MELK: variants seen among roughly 807,000 people sequenced by gnomAD.
MELK encodes the protein maternal embryonic leucine zipper kinase, also known as pEg3 kinase.
MELK carries 81 observed loss-of-function variants against 85.0 expected under a neutral mutation model. The observed-to-expected ratio is 0.95, with a 90% CI of 0.80 to 1.15. The LOEUF (loss-of-function observed/expected upper bound fraction) is 1.15, where lower values mean the gene tolerates loss of function less well. Among genes scored for constraint, MELK ranks in the 50% most tolerant of loss-of-function variants. MELK has a pLI of 0.00. For missense variants in MELK, 754 were observed against 777.5 expected (o/e 0.97, Z 0.36); for synonymous variants, 252 against 265.0 (o/e 0.95, Z 0.48).
chr9:36,606,767 T>C (rs921391390), intron 7 of MELK: 2 of 147,944 alleles, frequency 1.4e-5, no homozygotes, highest in African/African-American at 4.9e-5. Flanking sequence ...TAATAAATAA[T>C]CTATATAATA....
At chr9:36,608,987 A>C (rs999475788) in intron 8 of MELK, among the ~76,000 whole-genome samples, 8 of 152,238 alleles carry the variant, frequency 5.3e-5, no homozygotes, top group African/African-American at 1.9e-4. Flanking sequence ...ATAAAATAAG[A>C]ACCTCCTCTT....
At chr9:36,675,582 A>G (rs904285053) in intron 17 of MELK, among the ~76,000 whole-genome samples, 1 of 152,212 alleles carries the variant, frequency 6.6e-6, no homozygotes, top group African/African-American at 2.4e-5. Context: ...CAAATGAATC[A>G]GGGATTTATA....
chr9:36,584,151 G>T (rs1427062476), intron 3 of MELK, among the ~76,000 whole-genome samples: 1 of 150,038 alleles, frequency 6.7e-6, no homozygotes, highest in Admixed American at 6.7e-5. Context: ...GACTACAGGC[G>T]CCCGCCACTA....
chr9:36,655,654 T>G (rs1335784402), intron 12 of MELK, among the ~76,000 whole-genome samples: 3 of 152,210 alleles, frequency 2.0e-5, no homozygotes, highest in Non-Finnish European at 4.4e-5. Flanking sequence ...GATTGTTTAG[T>G]CAGGGGTGAT....
At chr9:36,675,214 G>T (rs1487012403) in intron 17 of MELK, among the ~76,000 whole-genome samples, 2 of 152,192 alleles carry the variant, frequency 1.3e-5, no homozygotes, top group East Asian at 1.9e-4. Context: ...TTGAACCTGG[G>T]TGGAGGCTGC....
intron 7 of MELK, among the ~76,000 whole-genome samples, chr9:36,605,504 A>C (rs2135760243): frequency 2.0e-5 from 3 of 151,844 alleles, no homozygotes; most frequent in Admixed American, 2.0e-4. Flanking sequence ...GAGCCACTGC[A>C]CCTGATCTGC....
chr9:36,667,755 CCTCTT>C (rs1035535462), intron 14 of MELK, among the ~76,000 whole-genome samples: 53 of 151,838 alleles, frequency 3.5e-4, no homozygotes, highest in African/African-American at 1.2e-3. Flanking sequence ...TCTCTTCTCT[CCTCTT>C]CTCTTCTCTT....
intron 5 of MELK, among the ~76,000 whole-genome samples, chr9:36,596,413 G>A (rs1168048307): frequency 6.6e-6 from 1 of 151,982 alleles, no homozygotes; most frequent in Non-Finnish European, 1.5e-5. Flanking sequence ...CTGCCACCAC[G>A]CCCGGCTAAT....
At chr9:36,670,212 T>C (rs567626056) in intron 15 of MELK, among the ~76,000 whole-genome samples, 49 of 152,356 alleles carry the variant, frequency 3.2e-4, no homozygotes, top group African/African-American at 1.2e-3. Flanking sequence ...ATAATGTGTA[T>C]ATATGTGGTT....
chr9:36,616,387 CT>C (rs60212848), intron 8 of MELK, among the ~76,000 whole-genome samples: 7,898 of 114,612 alleles, frequency 0.069, 787 homozygotes, highest in African/African-American at 0.23. Context: ...ATGTCAAACT[CT>C]TTTTTTTTTT....
intron 8 of MELK, among the ~76,000 whole-genome samples, chr9:36,610,924 T>C (rs1826003089): frequency 6.6e-6 from 1 of 152,204 alleles, no homozygotes; most frequent in Non-Finnish European, 1.5e-5. Flanking sequence ...TATTCTAGTA[T>C]AGGTTGAGTA....
At chr9:36,629,437 A>G (rs1356863895) in intron 8 of MELK, among the ~76,000 whole-genome samples, 5 of 152,284 alleles carry the variant, frequency 3.3e-5, no homozygotes, top group East Asian at 1.9e-4. Context: ...TTCTGAGTAT[A>G]CTAGGTTGTA....
At chr9:36,644,275 A>C (rs1830034023) in intron 11 of MELK, among the ~76,000 whole-genome samples, 1 of 151,366 alleles carries the variant, frequency 6.6e-6, no homozygotes, top group Admixed American at 6.6e-5. Context: ...AGGCAGTCAC[A>C]GCTGTCTCTA....
intron 11 of MELK, among the ~76,000 whole-genome samples, chr9:36,650,397 G>A (rs1035425276): frequency 3.9e-5 from 6 of 152,094 alleles, no homozygotes; most frequent in African/African-American, 1.2e-4. Flanking sequence ...CTGTTCTAGT[G>A]GAATTTCATA....
chr9:36,662,146 C>T (rs1430962917), intron 13 of MELK, among the ~76,000 whole-genome samples: 1 of 151,324 alleles, frequency 6.6e-6, no homozygotes, highest in Non-Finnish European at 1.5e-5. Context: ...GTTAATTTCC[C>T]CCCACATTTT....
intron 6 of MELK, among the ~76,000 whole-genome samples, chr9:36,598,730 TC>T (rs1174451027): frequency 6.6e-6 from 1 of 152,134 alleles, no homozygotes; most frequent in Non-Finnish European, 1.5e-5. Context: ...AATAAATTTT[TC>T]CCCCCGGGAT....
intron 8 of MELK, among the ~76,000 whole-genome samples, chr9:36,628,739 A>G (rs2136414113): frequency 6.6e-6 from 1 of 151,938 alleles, no homozygotes; most frequent in East Asian, 1.9e-4. Context: ...GTTATACAGA[A>G]ATATCAAACG....
chr9:36,653,394 C>T (rs1260149094), intron 12 of MELK, among the ~76,000 whole-genome samples: 1 of 152,164 alleles, frequency 6.6e-6, no homozygotes, highest in East Asian at 1.9e-4. Context: ...AGTCCTCCCT[C>T]CTTTGCCTCC....
intron 4 of MELK, among the ~76,000 whole-genome samples, chr9:36,593,669 T>TTTG (rs146859631): frequency 9.2e-5 from 14 of 152,210 alleles, no homozygotes; most frequent in South Asian, 2.1e-4. Context: ...AGGTACGTTT[T>TTTG]TTGTTGTTGT....
Sources: allele counts gnomAD v4.1 joint callset (sites outside exome capture counted in the v4.1 genomes callset), GRCh38; gene constraint gnomAD v4.1.1; transcripts MANE v1.5; gene names NCBI Gene and HGNC (gene_info 2026-07-23, HGNC 2026-07-21).